The following ITGBL1 variants were observed in gnomAD, a reference collection of about 807,000 sequenced individuals.
The protein encoded by ITGBL1 is integrin subunit beta like 1, also known as integrin beta-like protein 1.
In ITGBL1, 51 loss-of-function variants were observed where a neutral mutation model predicts 68.5. The ratio of observed to expected loss-of-function variants is 0.74; its 90% CI spans 0.59 to 0.94. The LOEUF is 0.94. Among genes scored for constraint, ITGBL1 ranks in the 40% least tolerant of loss-of-function variants. The pLI is 0.00. For synonymous variants in ITGBL1, 209 were observed against 227.3 expected, an observed-to-expected ratio of 0.92 and a Z score of 0.72; for missense variants, 649 against 647.4, an observed-to-expected ratio of 1.00 and a Z score of -0.03.
intron 2 of ITGBL1, among the ~76,000 whole-genome samples, chr13:101,499,081 C>G (rs2048901196): frequency 6.6e-6 from 1 of 152,124 alleles, no homozygotes; most frequent in South Asian, 2.1e-4. Context: ...CTGAATGTGA[C>G]ATTTGGGTGG....
At chr13:101,564,169 G>T (rs1366310226) in intron 2 of ITGBL1, among the ~76,000 whole-genome samples, 1 of 151,804 alleles carries the variant, frequency 6.6e-6, no homozygotes, top group Non-Finnish European at 1.5e-5. Flanking sequence ...GAAAATCAAA[G>T]GAACTACAAG....
chr13:101,614,259 A>C (rs571079213), intron 7 of ITGBL1, among the ~76,000 whole-genome samples: 1 of 152,192 alleles, frequency 6.6e-6, no homozygotes, highest in Non-Finnish European at 1.5e-5. Flanking sequence ...GGTTTTCGCC[A>C]TAGATAATTT....
chr13:101,599,100 G>T (rs955322808), intron 7 of ITGBL1, among the ~76,000 whole-genome samples: 26 of 152,054 alleles, frequency 1.7e-4, no homozygotes, highest in African/African-American at 6.3e-4. Flanking sequence ...AGCACCTGTT[G>T]TTTCCTGACT....
chr13:101,692,029 G>T (rs2033893156), intron 7 of ITGBL1, among the ~76,000 whole-genome samples: 1 of 152,048 alleles, frequency 6.6e-6, no homozygotes, highest in African/African-American at 2.4e-5. Context: ...TTAAGACGAG[G>T]ATAATAAAGA....
chr13:101,633,375 T>C (rs2032052090), intron 7 of ITGBL1, among the ~76,000 whole-genome samples: 1 of 152,176 alleles, frequency 6.6e-6, no homozygotes, highest in Admixed American at 6.5e-5. Flanking sequence ...TGACCTGGCG[T>C]TGACAATTTC....
intron 2 of ITGBL1, among the ~76,000 whole-genome samples, chr13:101,477,076 T>C (rs750644962): frequency 1.3e-4 from 20 of 152,080 alleles, no homozygotes; most frequent in Non-Finnish European, 1.8e-4. Flanking sequence ...TTCTCAAGGG[T>C]AGACTATATG....
At chr13:101,465,798 G>C (rs946529616) in intron 2 of ITGBL1, among the ~76,000 whole-genome samples, 2 of 152,206 alleles carry the variant, frequency 1.3e-5, no homozygotes, top group African/African-American at 4.8e-5. Flanking sequence ...GCAGTTTGTA[G>C]GGGCTCAGTA....
chr13:101,474,154 C>G (rs1383174395), intron 2 of ITGBL1, among the ~76,000 whole-genome samples: 1 of 152,144 alleles, frequency 6.6e-6, no homozygotes, highest in Non-Finnish European at 1.5e-5. Context: ...GTCCCCAGTT[C>G]TACAGTTCTA....
In ITGBL1 at chr13:101,512,263, C is replaced by T. The variant is rs116407370; in HGVS notation, c.317-55436C>T. 4.1e-3 allele frequency among the ~76,000 whole-genome samples: 617 copies of T among 152,194 alleles called. 8 individuals carry two copies. Among genetic ancestry groups the T allele is most frequent in the African/African-American group, 0.014 (575 of 41,538 alleles). Reference sequence around the variant, plus strand: ...GGGTTATTTCTGTATTTCTTCCTCACTTCTCGCTTATTTCTATTTTTATTC... The same window carrying T: ...GGGTTATTTCTGTATTTCTTCCTCATTTCTCGCTTATTTCTATTTTTATTC... On this transcript the variant is annotated intron_variant, in intron 2 of 10. Coordinates refer to ENST00000376180, the MANE Select transcript of ITGBL1 (RefSeq NM_004791.3).
At chr13:101,579,569 A>G (rs1027789314) in intron 5 of ITGBL1, 142 bp downstream of exon 5, 7 of 839,904 alleles carry the variant, frequency 8.3e-6, no homozygotes, top group Middle Eastern at 3.0e-4. Context: ...AACATTTACT[A>G]TCCCAACAAT....
At chr13:101,587,624 C>T (rs1198269629) in intron 6 of ITGBL1, among the ~76,000 whole-genome samples, 1 of 152,136 alleles carries the variant, frequency 6.6e-6, no homozygotes, top group Non-Finnish European at 1.5e-5. Flanking sequence ...TAAACTTTAT[C>T]GTTCAGCTTT....
intron 8 of ITGBL1, among the ~76,000 whole-genome samples, chr13:101,703,192 G>A (rs1003418503): frequency 6.6e-6 from 1 of 151,788 alleles, no homozygotes; most frequent in East Asian, 1.9e-4. Context: ...AAAAAATAAG[G>A]TATTACAGAA....
intron 7 of ITGBL1, among the ~76,000 whole-genome samples, chr13:101,599,476 A>G (rs1403486449): frequency 4.0e-5 from 6 of 151,516 alleles, no homozygotes; most frequent in Non-Finnish European, 8.9e-5. Flanking sequence ...TTTTGTTGCC[A>G]TTGCTTTTGG....
rs1045642659 is a variant in ITGBL1, at chr13:101,678,352, A to G, written c.1016-14233A>G. ...TTTCTTAATTTTAAAAGATAAGCCT[A>G]TTTGTGAAGGAAAGTATATTATGTA... On this transcript the variant is annotated intron_variant, in intron 7 of 10. Transcript: ENST00000376180. 5.3e-5 allele frequency among the ~76,000 whole-genome samples: 8 copies of G among 152,324 alleles called. No homozygotes were observed. In the South Asian group the frequency reaches 6.2e-4, roughly 12 times the overall value.
chr13:101,597,985 TAA>T (rs1482791220), intron 6 of ITGBL1, among the ~76,000 whole-genome samples, 166 bp from the exon 7 acceptor site: 1 of 152,190 alleles, frequency 6.6e-6, no homozygotes, highest in East Asian at 1.9e-4. Context: ...TCAATTCATA[TAA>T]GTCAGTTATT....
At chr13:101,526,610 C>A (rs113782673) in intron 2 of ITGBL1, among the ~76,000 whole-genome samples, 7 of 151,764 alleles carry the variant, frequency 4.6e-5, no homozygotes, top group Non-Finnish European at 1.0e-4. Context: ...AGTTTCTAGG[C>A]GCTCTTTTGG....
At chr13:101,453,028 T>C in intron 1 of ITGBL1, 97 bp downstream of exon 1, 2 of 949,728 alleles carry the variant, frequency 2.1e-6, no homozygotes, top group Non-Finnish European at 3.4e-6. Context: ...GAGCTGTTAT[T>C]AAATTGGACA....
intron 2 of ITGBL1, among the ~76,000 whole-genome samples, chr13:101,545,237 C>T (rs573014751): frequency 1.4e-4 from 22 of 152,136 alleles, no homozygotes; most frequent in African/African-American, 3.1e-4. Flanking sequence ...GATGAGCTGG[C>T]GGTGTTTTGG....
intron 7 of ITGBL1, among the ~76,000 whole-genome samples, chr13:101,625,144 T>C (rs889709091): frequency 2.6e-5 from 4 of 152,160 alleles, no homozygotes; most frequent in Admixed American, 1.3e-4. Context: ...AGATGAAAGG[T>C]TGTAGATTTA....
Sources: allele counts gnomAD v4.1 joint callset (sites outside exome capture counted in the v4.1 genomes callset), GRCh38; gene constraint gnomAD v4.1.1; transcripts MANE v1.5; gene names NCBI Gene and HGNC (gene_info 2026-07-23, HGNC 2026-07-21).